Variants in BIRC6 observed in about 807,000 individuals in gnomAD.
BIRC6 encodes dual E2 ubiquitin-conjugating enzyme/E3 ubiquitin-protein ligase BIRC6.
Under a neutral mutation model 503.3 loss-of-function variants are expected in BIRC6, and 98 were observed. The observed-to-expected ratio is 0.19, with a 90% CI of 0.17 to 0.23. BIRC6 has a LOEUF of 0.23. Among genes scored for constraint, BIRC6 ranks in the 10% least tolerant of loss-of-function variants. The pLI is 1.00. For missense variants in BIRC6, 5,360 were observed against 5,806.0 expected, an observed-to-expected ratio of 0.92 and a Z score of 2.50; for synonymous variants, 2,240 against 2,078.7, an observed-to-expected ratio of 1.08 and a Z score of -2.11.
At chr2:32,453,996 GT>G in intron 23 of BIRC6, 54 bp downstream of exon 23, 1 of 1,331,584 alleles carries the variant, frequency 7.5e-7, no homozygotes, top group Non-Finnish European at 1.0e-6. Flanking sequence ...CAGTAATAAA[GT>G]GATATTTATA....
rs540813659 is a variant in BIRC6, at chr2:32,537,270, C to T, written c.12291+5719C>T. On this transcript the variant is annotated intron_variant, in intron 61 of 73. Coordinates refer to ENST00000421745, the MANE Select transcript of BIRC6 (RefSeq NM_016252.4). ...GGATATCCAGGAATTGAACTCAGCTCTGCACCAAGTGGACCTAATAGACAT... is the reference window on the plus strand; with the variant it reads ...GGATATCCAGGAATTGAACTCAGCTTTGCACCAAGTGGACCTAATAGACAT... Among the ~76,000 whole-genome samples, 3 of 152,264 alleles carry T rather than the reference C, an allele frequency of 2.0e-5. No individual in the cohort carries two copies. In the East Asian group the frequency reaches 5.8e-4, roughly 29 times the overall value.
chr2:32,440,751 T>TTTTTTATTATTATTA (rs773312894), intron 16 of BIRC6, among the ~76,000 whole-genome samples: 2,087 of 147,168 alleles, frequency 0.014, 102 homozygotes, highest in Admixed American at 0.1. Context: ...TGTTTATTTA[T>TTTTTTATTATTATTA]TTATTATTAT....
chr2:32,482,789 T>A (rs1050813919), intron 39 of BIRC6, among the ~76,000 whole-genome samples: 1 of 152,190 alleles, frequency 6.6e-6, no homozygotes, highest in African/African-American at 2.4e-5. Flanking sequence ...GAATAACACC[T>A]AGCAAGTGTT....
In BIRC6 at chr2:32,500,116, A is replaced by T. The variant is rs2052969835; in HGVS notation, c.9031+7A>T. 2 of 1,580,416 alleles carry T rather than the reference A, an allele frequency of 1.3e-6. No homozygotes were observed. The highest frequency in any genetic ancestry group is 1.7e-6 in the Non-Finnish European group (2 of 1,161,042). ...GCCATGGCAATGATAATTGGTATGT[A>T]TTGAGAATATTAATCTTACCATTGT... On this transcript the variant is annotated splice_region_variant and intron_variant, in intron 46 of 73. Coordinates refer to ENST00000421745, the MANE Select transcript of BIRC6 (RefSeq NM_016252.4).
rs1006634003 is a variant in BIRC6 at position 32,436,291 on chromosome 2, C to T, written c.3631+107C>T. The T allele has an allele frequency of 2.8e-5, 30 of 1,062,468 alleles. No individual in the cohort carries two copies. In the African/African-American group the frequency reaches 4.6e-4, roughly 16 times the overall value. The allele number at this position is 1,062,468 out of a possible 1,614,324, so 65.8% of individuals were successfully genotyped here. A position where few individuals can be genotyped will look rare whatever the true frequency, so the allele number is the denominator to read the frequency against. ...ATAAGATTGTTTTCTTTGGGACTTTCGTTCGAAATTTCATCAGTTTTCTGG... is the reference window on the plus strand; with the variant it reads ...ATAAGATTGTTTTCTTTGGGACTTTTGTTCGAAATTTCATCAGTTTTCTGG... On this transcript the variant is annotated intron_variant, in intron 15 of 73. Transcript: ENST00000421745.
At position 32,473,115 on chromosome 2, in the gene BIRC6, A is replaced by G. The variant is rs547877988; in HGVS notation, c.6596A>G (p.Asn2199Ser). The G allele has an allele frequency of 4.4e-6, 7 of 1,573,538 alleles. No individual in the cohort carries two copies. The South Asian group carries it at 8.4e-5, about 19-fold the overall frequency. The change falls in exon 33 of 74, where the codon AAT (asparagine) becomes AGT (serine). Residue 2199 changes from asparagine to serine, a missense_variant. By Grantham distance (46) the Asn-to-Ser change is conservative (BLOSUM62 1). Transcript: ENST00000421745. ...ACAAGTTTTCCTTCGCCTGTAGGTA[A>G]TCAGTGGAGTTTTATTAACAATAAT... ...AAAAKKPLNG[N>S]QWSFINNNLH...
At chr2:32,448,354 T>G (rs377616062) in intron 21 of BIRC6, among the ~76,000 whole-genome samples, 6 of 140,832 alleles carry the variant, frequency 4.3e-5, no homozygotes, top group Non-Finnish European at 4.6e-5. Context: ...ACTCCAGCCT[T>G]GGCACCATTG....
intron 66 of BIRC6, among the ~76,000 whole-genome samples, chr2:32,581,485 CT>C (rs1244780274): frequency 2.0e-5 from 3 of 151,910 alleles, no homozygotes; most frequent in East Asian, 1.9e-4. Context: ...TTTTCTTTGC[CT>C]TTTTTTTCTA....
chr2:32,443,572 T>G lies in BIRC6; in HGVS notation c.4320T>G (p.Pro1440=), dbSNP rs1238997695. 1 of 1,602,392 alleles carries G rather than the reference T, an allele frequency of 6.2e-7. No individual in the cohort carries two copies. The highest frequency in any genetic ancestry group is 2.2e-5 in the East Asian group (1 of 44,686). The stretch of plus-strand genomic sequence containing the variant: ...TACTTGATAATATGTCATTTTTACC[T>G]GCAGCAACAACTGGTGGTATGTAAA... ...KALLDNMSFL[P]AATTGGSVYW... Residue 1440 remains proline (P), a synonymous_variant, in exon 20 of 74, where the codon CCT becomes CCG. Coordinates refer to ENST00000421745, the MANE Select transcript of BIRC6 (RefSeq NM_016252.4).
chr2:32,545,978 T>A, intron 63 of BIRC6, 118 bp downstream of exon 63: 2 of 894,820 alleles, frequency 2.2e-6, no homozygotes, highest in Non-Finnish European at 3.4e-6. Flanking sequence ...TTTTCACATC[T>A]AAAAGGATAT....
rs191554876 is a variant in BIRC6, at chr2:32,463,710, A to G, written c.4941+329A>G. Among the ~76,000 whole-genome samples, 210 of 152,366 alleles carry G rather than the reference A, an allele frequency of 1.4e-3. 2 individuals are homozygous for G. The highest frequency in any genetic ancestry group is 4.2e-3 in the Admixed American group (64 of 15,310). ...AGTATAGTTCCTAAAACAAAATTTTATAGAACAGTTAAATTTAATGTGACT... is the reference window on the plus strand; with the variant it reads ...AGTATAGTTCCTAAAACAAAATTTTGTAGAACAGTTAAATTTAATGTGACT... On this transcript the variant is annotated intron_variant, in intron 24 of 73. Transcript: ENST00000421745.
intron 65 of BIRC6, among the ~76,000 whole-genome samples, chr2:32,556,659 G>C (rs1340575426): frequency 6.6e-6 from 1 of 151,998 alleles, no homozygotes; most frequent in Non-Finnish European, 1.5e-5. Context: ...CTTTAAAAAA[G>C]TCCTACAGGC....
In BIRC6 at chr2:32,443,565, T is replaced by C. The variant is rs759936596; in HGVS notation, c.4313T>C (p.Phe1438Ser). Residue 1438 changes from phenylalanine (F) to serine (S), a missense_variant, in exon 20 of 74, where the codon TTT becomes TCT. Phe to Ser is a radical substitution (Grantham distance 155). This residue lies in a region of BIRC6 where 2,299 missense variants were observed against 2,267.2 expected (regional missense o/e 1.01). Transcript: ENST00000421745. ...LLKALLDNMSFLPAATTGGSV... is the reference protein window; with the variant it reads ...LLKALLDNMSSLPAATTGGSV... Reference sequence around the variant, plus strand: ...AAGGCTTTACTTGATAATATGTCATTTTTACCTGCAGCAACAACTGGTGGT... The same window carrying C: ...AAGGCTTTACTTGATAATATGTCATCTTTACCTGCAGCAACAACTGGTGGT... 2 of 1,605,578 alleles carry C rather than the reference T, an allele frequency of 1.2e-6. No homozygotes were observed. The highest frequency in any genetic ancestry group is 2.2e-5 in the South Asian group (2 of 89,310).
intron 45 of BIRC6, among the ~76,000 whole-genome samples, chr2:32,498,929 G>A (rs1043379239): frequency 1.3e-5 from 2 of 152,170 alleles, no homozygotes; most frequent in Non-Finnish European, 2.9e-5. Context: ...TGGCCAGGCC[G>A]GTCTTGAACT....
chr2:32,414,571 G>A (rs2042223933), intron 9 of BIRC6, among the ~76,000 whole-genome samples, 198 bp from the exon 10 acceptor site: 1 of 152,128 alleles, frequency 6.6e-6, no homozygotes, highest in Admixed American at 6.5e-5. Flanking sequence ...GGAGGCTGAG[G>A]CACTAGAATC....
At position 32,415,169 on chromosome 2, in the gene BIRC6, T is replaced by A; in HGVS notation, c.1878T>A (p.Thr626=). The A allele has an allele frequency of 6.2e-7, 1 of 1,614,002 alleles. No homozygotes were observed. The highest frequency in any genetic ancestry group is 8.5e-7 in the Non-Finnish European group (1 of 1,179,888). Residue 626 remains threonine, a synonymous_variant, in exon 10 of 74, where the codon ACT becomes ACA. Coordinates refer to ENST00000421745, the MANE Select transcript of BIRC6 (RefSeq NM_016252.4). ...TAAATTCTCCTCTGGTAAGGAGGACTTTACCGGTTTTGCTTCTTTATAGCA... is the reference window on the plus strand; with the variant it reads ...TAAATTCTCCTCTGGTAAGGAGGACATTACCGGTTTTGCTTCTTTATAGCA... ...SELNSPLVRR[T]LPVLLLYSIK...
chr2:32,436,030 A>C, intron 14 of BIRC6, 23 bp from the exon 15 acceptor site: 2 of 1,319,904 alleles, frequency 1.5e-6, no homozygotes, highest in Non-Finnish European at 1.0e-6. Flanking sequence ...ATTTAAAAGA[A>C]AAATATGTAT....
chr2:32,596,704 T>C (rs1171096430), intron 68 of BIRC6, among the ~76,000 whole-genome samples: 2 of 152,154 alleles, frequency 1.3e-5, no homozygotes, highest in African/African-American at 4.8e-5. Context: ...GCTTTAGATT[T>C]CGTTCCGCTT....
Position 32,618,090 on chromosome 2 carries a change from G to T in BIRC6, c.*186G>T. On this transcript the variant is annotated 3_prime_UTR_variant, in exon 74 of 74. Transcript: ENST00000421745. Reference sequence around the variant, plus strand: ...CCTGTACAGGAGTGTAAACTTTTTTGTGCTTTTATTTTTCAATTGTGAGAA... The same window carrying T: ...CCTGTACAGGAGTGTAAACTTTTTTTTGCTTTTATTTTTCAATTGTGAGAA... 2.0e-6 allele frequency: 1 copy of T among 506,000 alleles called. No individual in the cohort carries two copies. Among genetic ancestry groups the T allele is most frequent in the Non-Finnish European group, 3.2e-6 (1 of 312,422 alleles). 31.3% of individuals were successfully genotyped at this position (506,000 alleles called of 1,614,324 possible).
Sources: gnomAD v4.1 joint callset for allele counts (sites outside exome capture counted in the v4.1 genomes callset) on GRCh38, gnomAD v4.1.1 for gene constraint, gnomAD v4.1.1 regional missense constraint, MANE v1.5 for transcripts, NCBI Gene and HGNC (gene_info 2026-07-23, HGNC 2026-07-21) for gene names.